Variants in HAUS6 observed in about 807,000 individuals in gnomAD.
The protein encoded by HAUS6 is HAUS augmin like complex subunit 6.
In HAUS6, 80 loss-of-function variants were observed where a neutral mutation model predicts 106.8. That is an observed-to-expected ratio of 0.75 (90% CI 0.63 to 0.90). HAUS6 has a LOEUF of 0.90. Among genes scored for constraint, HAUS6 ranks in the 40% least tolerant of loss-of-function variants. The pLI is 0.00. For synonymous variants in HAUS6, 356 were observed against 379.1 expected, an observed-to-expected ratio of 0.94 and a Z score of 0.71; for missense variants, 1,155 against 1,118.1, an observed-to-expected ratio of 1.03 and a Z score of -0.47.
chr9:19,091,002 G>C (rs1020269445), intron 4 of HAUS6, among the ~76,000 whole-genome samples: 1 of 152,050 alleles, frequency 6.6e-6, no homozygotes, highest in Non-Finnish European at 1.5e-5. Context: ...CATTGCCTCA[G>C]AGAAACCACC....
At position 19,070,223 on chromosome 9, in the gene HAUS6, T is replaced by C. The variant is rs1265555376; in HGVS notation, c.1372A>G (p.Asn458Asp). Reference sequence around the variant, plus strand: ...AGAAAATCAAATTTGTTTTACCTGTTGGCTAGATCATGTAGCGCTCCCAAG... The same window carrying C: ...AGAAAATCAAATTTGTTTTACCTGTCGGCTAGATCATGTAGCGCTCCCAAG... Reference protein sequence around the residue: ...DTLGALHDLANSPASFLSQSV... With the variant: ...DTLGALHDLADSPASFLSQSV... Residue 458 changes from asparagine (N) to aspartate (D), a missense_variant, in exon 12 of 17, where the codon AAC (asparagine) becomes GAC (aspartate). Physicochemically the swap from Asn to Asp is conservative, Grantham distance 23 (BLOSUM62 1). Transcript: ENST00000380502. 5.2e-6 allele frequency: 8 copies of C among 1,546,562 alleles called. No individual in the cohort carries two copies. Among genetic ancestry groups the C allele is most frequent in the Non-Finnish European group, 7.1e-6 (8 of 1,120,876 alleles).
chr9:19,086,538 T>G (rs1189116235), intron 7 of HAUS6, among the ~76,000 whole-genome samples, 196 bp downstream of exon 7: 2 of 150,778 alleles, frequency 1.3e-5, no homozygotes, highest in African/African-American at 2.4e-5. Context: ...CAGAATCACT[T>G]GAACTCAAGA....
chr9:19,086,839 A>G (rs1837307435), intron 6 of HAUS6, 57 bp from the exon 7 acceptor site: 1 of 767,048 alleles, frequency 1.3e-6, no homozygotes, highest in Non-Finnish European at 2.2e-6. Flanking sequence ...GTAATTTAAT[A>G]TCCAAAGAGC....
chr9:19,095,058 T>C lies in HAUS6; in HGVS notation c.225-663A>G, dbSNP rs541905473. 5.9e-5 allele frequency among the ~76,000 whole-genome samples: 9 copies of C among 151,542 alleles called. No homozygotes were observed. In the East Asian group the frequency reaches 9.7e-4, roughly 16 times the overall value. Reference sequence around the variant, plus strand: ...TTAGTAAATTAAGCCTGAAAAGAAATAGTAATCTTGCCAGAGAGAAACATA... The same window carrying C: ...TTAGTAAATTAAGCCTGAAAAGAAACAGTAATCTTGCCAGAGAGAAACATA... On this transcript the variant is annotated intron_variant, in intron 2 of 16. Transcript: ENST00000380502.
At chr9:19,087,272 G>A (rs187245922) in intron 5 of HAUS6, 116 bp from the exon 6 acceptor site, 114 of 687,800 alleles carry the variant, frequency 1.7e-4, no homozygotes, top group East Asian at 1.4e-3. Context: ...ACAGCCACCA[G>A]CAAGCTAAAG....
At chr9:19,099,269 C>G (rs1159412317) in intron 1 of HAUS6, among the ~76,000 whole-genome samples, 1 of 151,412 alleles carries the variant, frequency 6.6e-6, no homozygotes, top group Non-Finnish European at 1.5e-5. Context: ...TGGGTTCACG[C>G]CATTCTCCTG....
chr9:19,080,174 CAAAAAAAAAAAAA>C (rs746423003), intron 9 of HAUS6, among the ~76,000 whole-genome samples: 1 of 37,592 alleles, frequency 2.7e-5, no homozygotes, highest in African/African-American at 8.9e-5. Context: ...AACTCCGTCT[CAAAAAAAAAAAAA>C]AAAAAAAAAA....
rs535080163 is a variant in HAUS6, at chr9:19,094,516, G to A, written c.225-121C>T. On this transcript the variant is annotated intron_variant, in intron 2 of 16. Transcript: ENST00000380502. The stretch of plus-strand genomic sequence containing the variant: ...ACCAGAAATATTAATGCATGGCCAA[G>A]CGCGGTGGCTCACACTTTTAATCCC... 2.6e-4 allele frequency: 160 copies of A among 625,250 alleles called. 1 individual carries two copies. In the South Asian group the frequency reaches 3.1e-3, roughly 12 times the overall value. The allele number at this position is 625,250 out of a possible 1,614,324, so 38.7% of individuals were successfully genotyped here.
chr9:19,099,926 G>A (rs1460047838), intron 1 of HAUS6, among the ~76,000 whole-genome samples: 1 of 152,220 alleles, frequency 6.6e-6, no homozygotes, highest in Non-Finnish European at 1.5e-5. Flanking sequence ...AGGTGTGGTG[G>A]CTCAGGCCTA....
intron 16 of HAUS6, chr9:19,057,713 A>G: frequency 2.4e-6 from 1 of 421,950 alleles, no homozygotes; most frequent in Non-Finnish European, 4.2e-6. Context: ...GTATTATAAA[A>G]CCTGTAAGCT....
At position 19,093,142 on chromosome 9, in the gene HAUS6, A is replaced by G. The variant is rs1817790713; in HGVS notation, c.436+29T>C. On this transcript the variant is annotated intron_variant, in intron 4 of 16. Transcript: ENST00000380502. ...GAACAATAAAAATTTAAGAATCAAAACAAAAAATCTTTTATAAGTTGAACT... is the reference window on the plus strand; with the variant it reads ...GAACAATAAAAATTTAAGAATCAAAGCAAAAAATCTTTTATAAGTTGAACT... 3.6e-6 allele frequency: 5 copies of G among 1,407,804 alleles called. No homozygotes were observed. The East Asian group carries it at 9.5e-5, about 27-fold the overall frequency. 87.2% of individuals were successfully genotyped at this position (1,407,804 alleles called of 1,614,324 possible).
At chr9:19,089,650 G>A in intron 4 of HAUS6, 91 bp from the exon 5 acceptor site, 4 of 879,480 alleles carry the variant, frequency 4.5e-6, no homozygotes, top group Middle Eastern at 3.2e-4. Context: ...TAACGTTGGT[G>A]GTATACAATC....
At chr9:19,091,262 C>T (rs1374255169) in intron 4 of HAUS6, among the ~76,000 whole-genome samples, 2 of 151,468 alleles carry the variant, frequency 1.3e-5, no homozygotes, top group African/African-American at 4.9e-5. Context: ...ATCGCGCCAC[C>T]GCACTCCAGC....
At chr9:19,092,904 G>A (rs546092238) in intron 4 of HAUS6, among the ~76,000 whole-genome samples, 7 of 113,818 alleles carry the variant, frequency 6.2e-5, no homozygotes, top group South Asian at 2.5e-4. Context: ...CAGCTTGAGC[G>A]AAACTGTGTC....
chr9:19,097,095 A>T (rs1259138076), intron 1 of HAUS6, among the ~76,000 whole-genome samples: 1 of 152,208 alleles, frequency 6.6e-6, no homozygotes, highest in East Asian at 1.9e-4. Context: ...GAATAACAAT[A>T]AATAGCTAAT....
At chr9:19,094,447 A>G in intron 2 of HAUS6, 52 bp from the exon 3 acceptor site, 1 of 1,031,094 alleles carries the variant, frequency 9.7e-7, no homozygotes, top group Non-Finnish European at 1.5e-6. Context: ...TAGCCAAAAA[A>G]AAAAGCCTCA....
rs766608103 is a variant in HAUS6, at chr9:19,055,488, T to TC, written c.*854dup. ...TTCTGATGGTTGTTCCTTGTTCCTT[T>TC]CCCCCAACAGGGAGTACCTCACAAA... On this transcript the variant is annotated 3_prime_UTR_variant, in exon 17 of 17. Transcript: ENST00000380502. 1 of 151,942 alleles carries TC rather than the reference T, an allele frequency of 6.6e-6. No homozygotes were observed. The highest frequency in any genetic ancestry group is 1.5e-5 in the Non-Finnish European group (1 of 67,990). The allele number at this position is 151,942 out of a possible 1,614,324, so 9.4% of individuals were successfully genotyped here.
At chr9:19,080,994 C>T (rs1381305108) in intron 8 of HAUS6, among the ~76,000 whole-genome samples, 1 of 152,022 alleles carries the variant, frequency 6.6e-6, no homozygotes, top group Admixed American at 6.6e-5. Flanking sequence ...ATCGCTTGAA[C>T]CCAAGAGGCA....
At chr9:19,064,846 T>A (rs1303403692) in intron 12 of HAUS6, among the ~76,000 whole-genome samples, 3 of 152,190 alleles carry the variant, frequency 2.0e-5, no homozygotes, top group Admixed American at 2.0e-4. Context: ...AAAGAATTGA[T>A]CATCTACTAG....
Sources: gnomAD v4.1 joint callset for allele counts (sites outside exome capture counted in the v4.1 genomes callset) on GRCh38, gnomAD v4.1.1 for gene constraint, MANE v1.5 for transcripts, NCBI Gene and HGNC (gene_info 2026-07-23, HGNC 2026-07-21) for gene names.